The following NPAS3 variants were observed in gnomAD, a reference collection of about 807,000 sequenced individuals.
NPAS3 encodes neuronal PAS domain protein 3.
NPAS3 carries 14 observed loss-of-function variants against 73.1 expected under a neutral mutation model. The ratio of observed to expected loss-of-function variants is 0.19; its 90% confidence interval spans 0.13 to 0.30. The LOEUF is 0.30. Ranked by LOEUF, NPAS3 falls within the 10% of genes least tolerant of loss-of-function variation. The pLI is 1.00. For missense variants in NPAS3, 1,096 were observed against 1,250.0 expected (o/e 0.88, Z 1.86); for synonymous variants, 620 against 541.5 (o/e 1.14, Z -2.01).
intron 2 of NPAS3, among the ~76,000 whole-genome samples, chr14:33,065,693 A>G (rs548917310): frequency 6.8e-4 from 103 of 151,936 alleles, no homozygotes; most frequent in Non-Finnish European, 1.1e-3. Context: ...GTTATAAAGG[A>G]TCTCTGGGCC....
intron 5 of NPAS3, among the ~76,000 whole-genome samples, chr14:33,583,853 G>T (rs1170867009): frequency 1.3e-5 from 2 of 152,194 alleles, no homozygotes; most frequent in Non-Finnish European, 2.9e-5. Context: ...AGCTGAGAAT[G>T]GTTAGAAAAA....
chr14:33,402,189 G>A (rs2047475081), intron 4 of NPAS3, among the ~76,000 whole-genome samples: 1 of 151,928 alleles, frequency 6.6e-6, no homozygotes, highest in Non-Finnish European at 1.5e-5. Context: ...TGACACCTGA[G>A]GTACCTTTCA....
chr14:33,126,278 C>T (rs1193707257), intron 2 of NPAS3, among the ~76,000 whole-genome samples: 2 of 152,290 alleles, frequency 1.3e-5, no homozygotes, highest in East Asian at 3.9e-4. Flanking sequence ...AAGTGGTAAA[C>T]TGCATGCATT....
intron 4 of NPAS3, among the ~76,000 whole-genome samples, chr14:33,489,523 C>A (rs909132049): frequency 1.3e-5 from 2 of 152,118 alleles, no homozygotes; most frequent in African/African-American, 4.8e-5. Flanking sequence ...TCAGCAAAAG[C>A]TAGGCTAAGA....
intron 4 of NPAS3, among the ~76,000 whole-genome samples, chr14:33,507,420 A>G (rs1203635672): frequency 6.6e-6 from 1 of 152,012 alleles, no homozygotes; most frequent in Non-Finnish European, 1.5e-5. Context: ...ATGTCTGTTT[A>G]TTTGTGGCCT....
At chr14:33,700,955 T>C (rs1408060041) in intron 6 of NPAS3, among the ~76,000 whole-genome samples, 1 of 152,212 alleles carries the variant, frequency 6.6e-6, no homozygotes, top group East Asian at 1.9e-4. Context: ...GAAAAAGAGA[T>C]ACAAATGAAT....
intron 6 of NPAS3, among the ~76,000 whole-genome samples, chr14:33,704,895 G>GA (rs1213661438): frequency 6.6e-6 from 1 of 152,072 alleles, no homozygotes; most frequent in Non-Finnish European, 1.5e-5. Context: ...GAAAGAAGAG[G>GA]AAAAAATAGG....
intron 6 of NPAS3, among the ~76,000 whole-genome samples, chr14:33,719,963 T>C (rs2061060588): frequency 6.6e-6 from 1 of 151,918 alleles, no homozygotes; most frequent in Admixed American, 6.6e-5. Context: ...AATAAGAAAA[T>C]AAAGAGATTT....
intron 1 of NPAS3, among the ~76,000 whole-genome samples, chr14:32,972,302 A>G (rs1279215): frequency 0.98 from 148,831 of 152,240 alleles, 72,834 homozygotes; most frequent in East Asian, 1. Flanking sequence ...TACAATACTC[A>G]TTAAAAGCAA....
chr14:33,346,372 C>T (rs1015052682), intron 3 of NPAS3, among the ~76,000 whole-genome samples: 2 of 150,962 alleles, frequency 1.3e-5, no homozygotes, highest in African/African-American at 4.9e-5. Context: ...CTACAGAAAA[C>T]AGAAAAATTA....
intron 3 of NPAS3, among the ~76,000 whole-genome samples, chr14:33,308,577 A>C (rs1468077397): frequency 6.0e-5 from 1 of 16,548 alleles, no homozygotes; most frequent in Admixed American, 5.4e-4. Flanking sequence ...ATATATATGT[A>C]TATCTATATA....
chr14:33,780,607 A>G (rs61973025), intron 9 of NPAS3: 5 of 454,516 alleles, frequency 1.1e-5, no homozygotes, highest in South Asian at 1.6e-5. Context: ...GCATCATGCT[A>G]TCTCTCTGGG....
chr14:33,509,767 G>A (rs1246725434), intron 4 of NPAS3, among the ~76,000 whole-genome samples: 1 of 152,000 alleles, frequency 6.6e-6, no homozygotes, highest in Admixed American at 6.6e-5. Flanking sequence ...CATGAAATTA[G>A]GGCATGACTT....
chr14:33,256,165 C>G (rs903556886), intron 3 of NPAS3, among the ~76,000 whole-genome samples: 1 of 152,080 alleles, frequency 6.6e-6, no homozygotes, highest in Non-Finnish European at 1.5e-5. Flanking sequence ...GTTGTAGTTT[C>G]GTGTAAGAGA....
At chr14:33,648,937 G>A (rs1183989142) in intron 5 of NPAS3, among the ~76,000 whole-genome samples, 3 of 152,130 alleles carry the variant, frequency 2.0e-5, no homozygotes, top group Admixed American at 6.5e-5. Context: ...GAACAGCAGC[G>A]AATTGTGAGG....
intron 2 of NPAS3, among the ~76,000 whole-genome samples, chr14:33,212,045 G>C (rs7155124): frequency 6.6e-6 from 1 of 152,092 alleles, no homozygotes; most frequent in East Asian, 1.9e-4. Context: ...AGAACAAAAC[G>C]TACAAATACA....
chr14:33,285,956 A>T (rs771545721), intron 3 of NPAS3, among the ~76,000 whole-genome samples: 1 of 152,038 alleles, frequency 6.6e-6, no homozygotes, highest in African/African-American at 2.4e-5. Flanking sequence ...TCCCCATCCC[A>T]ACCTATCCTA....
intron 1 of NPAS3, among the ~76,000 whole-genome samples, chr14:32,942,353 G>A (rs919833083): frequency 1.3e-5 from 2 of 152,112 alleles, no homozygotes; most frequent in African/African-American, 4.8e-5. Flanking sequence ...TTTCCTTATA[G>A]TAATGTTTAT....
At chr14:33,583,191 T>C (rs2139893556) in intron 5 of NPAS3, 1 of 152,206 alleles carries the variant, frequency 6.6e-6, no homozygotes, top group African/African-American at 2.4e-5. Flanking sequence ...AAAAGGCTAT[T>C]TGCAGTTTTG....
Sources: gnomAD v4.1 joint callset for allele counts (sites outside exome capture counted in the v4.1 genomes callset) on GRCh38, gnomAD v4.1.1 for gene constraint, MANE v1.5 for transcripts, NCBI Gene and HGNC (gene_info 2026-07-23, HGNC 2026-07-21) for gene names.